The following HNRNPUL1 variants were observed in gnomAD, a reference collection of about 807,000 sequenced individuals.
HNRNPUL1 encodes the protein heterogeneous nuclear ribonucleoprotein U-like protein 1.
HNRNPUL1 carries 14 observed loss-of-function variants against 108.5 expected under a neutral mutation model. The ratio of observed to expected loss-of-function variants is 0.13; its 90% CI spans 0.09 to 0.20. The LOEUF (loss-of-function observed/expected upper bound fraction) is 0.20, where lower values mean the gene tolerates loss of function less well. HNRNPUL1 is among the 10% of genes least tolerant of loss of function. The pLI is 1.00. For missense variants in HNRNPUL1, 804 were observed against 1,168.3 expected (o/e 0.69, Z 4.55); for synonymous variants, 422 against 445.2 (o/e 0.95, Z 0.66).
At chr19:41,295,224 C>T (rs1388506296) in intron 10 of HNRNPUL1, among the ~76,000 whole-genome samples, 2 of 152,198 alleles carry the variant, frequency 1.3e-5, no homozygotes, top group African/African-American at 4.8e-5. Flanking sequence ...ATTTTCTCTT[C>T]ACAAATACGT....
chr19:41,289,990 C>A (rs1309243833), intron 7 of HNRNPUL1, among the ~76,000 whole-genome samples: 1 of 152,030 alleles, frequency 6.6e-6, no homozygotes, highest in Non-Finnish European at 1.5e-5. Flanking sequence ...GGATTACAGG[C>A]GTGAACCACC....
chr19:41,294,575 G>A lies in HNRNPUL1; in HGVS notation c.1407G>A (p.Arg469=). The change falls in exon 10 of 15, where the codon CGG becomes CGA. Residue 469 remains arginine (R), a synonymous_variant. Transcript: ENST00000392006. The surrounding 1 kb of genome is among the most constrained non-coding windows in gnomAD (Gnocchi z 4.3). ...GCCCGCAGGTGATGGGCCTACGCCG[G>A]CAGCGGAACTATGCTGGCCGCTGGG... The part of the protein sequence containing the change: ...MDKMRVMGLR[R]QRNYAGRWDV... 6.2e-7 allele frequency: 1 copy of A among 1,614,148 alleles called. No homozygotes were observed. Among genetic ancestry groups the A allele is most frequent in the Non-Finnish European group, 8.5e-7 (1 of 1,180,028 alleles).
At chr19:41,274,372 A>ACCGC (rs1298315739) in intron 4 of HNRNPUL1, among the ~76,000 whole-genome samples, 3 of 152,194 alleles carry the variant, frequency 2.0e-5, no homozygotes, top group African/African-American at 7.2e-5. Flanking sequence ...AAAACCCTGA[A>ACCGC]CCGCCCTGTA....
intron 7 of HNRNPUL1, chr19:41,286,622 G>C (rs1475973371): frequency 6.6e-6 from 1 of 151,032 alleles, no homozygotes; most frequent in Non-Finnish European, 1.5e-5. Context: ...GTGCACTACA[G>C]CCCAGAACTG....
intron 8 of HNRNPUL1, among the ~76,000 whole-genome samples, chr19:41,293,379 C>T (rs1034140495): frequency 1.3e-5 from 2 of 152,148 alleles, no homozygotes; most frequent in African/African-American, 2.4e-5. Context: ...TTTCACTTCA[C>T]ATTATTTTGT....
intron 5 of HNRNPUL1, 46 bp from the exon 6 acceptor site, chr19:41,279,031 G>A (rs760241098): frequency 6.7e-6 from 9 of 1,347,624 alleles, no homozygotes; most frequent in Admixed American, 3.4e-5. Flanking sequence ...CATAACCTAC[G>A]GCCTCCAGAG....
In HNRNPUL1 at chr19:41,272,618, C is replaced by T. The variant is rs2035309614; in HGVS notation, c.572+383C>T. Among the ~76,000 whole-genome samples, 4 of 152,210 alleles carry T rather than the reference C, an allele frequency of 2.6e-5. No individual in the cohort carries two copies. The South Asian group carries it at 8.3e-4, about 31-fold the overall frequency. On this transcript the variant is annotated intron_variant, in intron 3 of 14. Coordinates refer to ENST00000392006, the MANE Select transcript of HNRNPUL1 (RefSeq NM_007040.6). ...CTTCCCATTCATCCACTCATTCAGT[C>T]AGTTCTCACAGTGCTGTCACGAAGT...
chr19:41,305,797 C>A lies in HNRNPUL1; in HGVS notation c.2384C>A (p.Ala795Asp). ...NYGSYGGYNP[A>D]PYTPPPPPTA... ...GGGAGCTACGGCGGTTACAACCCGG[C>A]CCCCTATACCCCACCGCCACCCCCC... The change falls in exon 14 of 15, where the codon GCC (alanine) becomes GAC (aspartate). Residue 795 changes from alanine to aspartate, a missense_variant. Coordinates refer to ENST00000392006, the MANE Select transcript of HNRNPUL1 (RefSeq NM_007040.6). 2.5e-6 allele frequency: 4 copies of A among 1,611,110 alleles called. No individual in the cohort carries two copies. Among genetic ancestry groups the A allele is most frequent in the Non-Finnish European group, 3.4e-6 (4 of 1,177,808 alleles).
At chr19:41,302,353 G>A (rs2037272124) in intron 11 of HNRNPUL1, 2 of 381,194 alleles carry the variant, frequency 5.2e-6, no homozygotes, top group African/African-American at 2.1e-5. Flanking sequence ...CGAGTAGCTG[G>A]GACTACAGGT....
At chr19:41,301,403 G>GT in intron 10 of HNRNPUL1, 133 bp from the exon 11 acceptor site, 1 of 693,230 alleles carries the variant, frequency 1.4e-6, no homozygotes, top group Non-Finnish European at 2.3e-6. Flanking sequence ...AAGAAGAGCT[G>GT]TTTCCTGAGT....
At chr19:41,280,676 G>C (rs978558336) in intron 6 of HNRNPUL1, among the ~76,000 whole-genome samples, 1 of 152,126 alleles carries the variant, frequency 6.6e-6, no homozygotes, top group Non-Finnish European at 1.5e-5. Context: ...GAGCCCTTGG[G>C]ATCTCTCAGT....
At chr19:41,295,637 T>C (rs999356817) in intron 10 of HNRNPUL1, among the ~76,000 whole-genome samples, 1 of 152,228 alleles carries the variant, frequency 6.6e-6, no homozygotes, top group Admixed American at 6.5e-5. Context: ...TAAGAACCTG[T>C]GAGTGAGCAA....
At chr19:41,266,440 G>T (rs944446913) in intron 1 of HNRNPUL1, among the ~76,000 whole-genome samples, 4 of 151,518 alleles carry the variant, frequency 2.6e-5, no homozygotes, top group African/African-American at 9.7e-5. Flanking sequence ...TCTCAAAAAA[G>T]AAAAAAGCAG....
At chr19:41,296,869 T>C (rs2036924548) in intron 10 of HNRNPUL1, among the ~76,000 whole-genome samples, 1 of 152,178 alleles carries the variant, frequency 6.6e-6, no homozygotes, top group Admixed American at 6.5e-5. Context: ...TGGTCAGATC[T>C]CCCCAGATTT....
At chr19:41,276,476 C>T in intron 5 of HNRNPUL1, 178 bp downstream of exon 5, 1 of 600,804 alleles carries the variant, frequency 1.7e-6, no homozygotes, top group East Asian at 3.1e-5. Flanking sequence ...AATATCATAT[C>T]AGAAAAGCAG....
intron 13 of HNRNPUL1, among the ~76,000 whole-genome samples, chr19:41,305,445 A>G (rs2037484542): frequency 6.6e-6 from 1 of 152,234 alleles, no homozygotes; most frequent in Non-Finnish European, 1.5e-5. Context: ...TGGGGGTCTC[A>G]GAGCTGGGGT....
At chr19:41,290,371 A>G (rs769036509) in intron 7 of HNRNPUL1, among the ~76,000 whole-genome samples, 1 of 152,226 alleles carries the variant, frequency 6.6e-6, no homozygotes, top group Non-Finnish European at 1.5e-5. Flanking sequence ...CGTATCCTGC[A>G]GCCAAAGCAA....
upstream of HNRNPUL1, chr19:41,263,088 C>G (rs980945409): frequency 1.3e-5 from 2 of 150,352 alleles, no homozygotes; most frequent in Non-Finnish European, 3.0e-5. Context: ...GAACTGGATG[C>G]GTCTGATCTG....
Position 41,276,218 on chromosome 19 carries a change from A to T in HNRNPUL1, c.706A>T (p.Ile236Phe). The change falls in exon 5 of 15, where the codon ATT becomes TTT. Residue 236 changes from isoleucine to phenylalanine, a missense_variant. This residue lies in a region of HNRNPUL1 where 174 missense variants were observed against 296.6 expected (regional missense o/e 0.59). Transcript: ENST00000392006. Reference protein sequence around the residue: ...RDRSSGYPLTIEGFAYLWSGA... With the variant: ...RDRSSGYPLTFEGFAYLWSGA... ...TCGGAGTAGTGGCTATCCGCTCACA[A>T]TTGAGGGCTTTGCATACCTGTGGTC... 1 of 1,613,884 alleles carries T rather than the reference A, an allele frequency of 6.2e-7. No individual in the cohort carries two copies. The highest frequency in any genetic ancestry group is 8.5e-7 in the Non-Finnish European group (1 of 1,179,984).
Sources: gnomAD v4.1 joint callset for allele counts (sites outside exome capture counted in the v4.1 genomes callset) on GRCh38, gnomAD v4.1.1 for gene constraint, gnomAD v4.1.1 regional missense constraint, Gnocchi (gnomAD v3.1) non-coding constraint, MANE v1.5 for transcripts, NCBI Gene and HGNC (gene_info 2026-07-23, HGNC 2026-07-21) for gene names.